SNED1: variants seen among roughly 807,000 people sequenced by gnomAD.
The protein encoded by SNED1 is sushi, nidogen and EGF-like domain-containing protein 1.
A neutral mutation model predicts 166.7 loss-of-function variants in SNED1; 81 were observed. The observed-to-expected ratio is 0.49, with a 90% confidence interval of 0.41 to 0.58. The LOEUF (loss-of-function observed/expected upper bound fraction) is 0.58. Among genes scored for constraint, SNED1 ranks in the 20% least tolerant of loss-of-function variants. SNED1 has a pLI of 0.00. For missense variants in SNED1, 1,604 were observed against 2,000.2 expected (o/e 0.80, Z 3.78); for synonymous variants, 762 against 822.0 (o/e 0.93, Z 1.25).
Position 241,065,587 on chromosome 2 carries a change from C to G in SNED1, c.3002C>G (p.Ala1001Gly), listed in dbSNP as rs1352555276. The G allele has an allele frequency of 1.2e-6, 2 of 1,611,516 alleles. No homozygotes were observed. Among genetic ancestry groups the G allele is most frequent in the Non-Finnish European group, 1.7e-6 (2 of 1,179,572 alleles). The change falls in exon 21 of 32, where the codon GCC (alanine) becomes GGC (glycine). Residue 1001 changes from alanine (A) to glycine (G), a missense_variant. Around this residue, in one of 2 missense-constraint regions of SNED1, gnomAD observed 1,237 missense variants for 1,620.8 expected, o/e 0.76. Coordinates refer to ENST00000310397, the MANE Select transcript of SNED1 (RefSeq NM_001080437.3). ...NDISRPAVLLARTRPRPVEGF... is the reference protein window; with the variant it reads ...NDISRPAVLLGRTRPRPVEGF... ...ATCAGCAGGCCTGCCGTGCTGCTGG[C>G]CCGCACGCGTGAGTGTCCCCGAGCC...
In SNED1 at chr2:241,087,324, C is replaced by T; in HGVS notation, c.4122-68C>T. The T allele has an allele frequency of 2.0e-6, 3 of 1,471,902 alleles. No individual in the cohort carries two copies. In the South Asian group the frequency reaches 3.9e-5, roughly 19 times the overall value. 91.2% of individuals were successfully genotyped at this position (1,471,902 alleles called of 1,614,324 possible). A position where few individuals can be genotyped will look rare whatever the true frequency, so the allele number is the denominator to read the frequency against. On this transcript the variant is annotated intron_variant, in intron 29 of 31. Transcript: ENST00000310397. The stretch of plus-strand genomic sequence containing the variant: ...TCAGGTTTACTGTGGGTTCACATAG[C>T]CTAGGTTAAGCAGTTGGCAACATTT...
At chr2:241,079,377 A>C (rs968227594) in intron 27 of SNED1, among the ~76,000 whole-genome samples, 3 of 150,554 alleles carry the variant, frequency 2.0e-5, no homozygotes, top group Non-Finnish European at 3.0e-5. Context: ...GCCCCACTGC[A>C]CTCCAGCCTG....
intron 1 of SNED1, among the ~76,000 whole-genome samples, chr2:241,003,036 A>C (rs77542373): frequency 0.019 from 2,881 of 151,956 alleles, 27 homozygotes; most frequent in African/African-American, 0.03. Flanking sequence ...GTGCAGAGTG[A>C]CCAAGGGAGC....
intron 1 of SNED1, among the ~76,000 whole-genome samples, chr2:241,011,265 AGGTCTCCTG>A (rs1162266774): frequency 8.2e-5 from 12 of 146,878 alleles, no homozygotes; most frequent in African/African-American, 1.5e-4. Context: ...TGGGGGTGGC[AGGTCTCCTG>A]GGTCTCCTGG....
intron 5 of SNED1, 85 bp downstream of exon 5, chr2:241,037,000 C>G: frequency 6.7e-7 from 1 of 1,483,970 alleles, no homozygotes. Context: ...TGGCCCTGGG[C>G]GCCCAGGGTC....
chr2:241,037,370 G>A lies in SNED1; in HGVS notation c.1045+17G>A, dbSNP rs764417179. The A allele has an allele frequency of 7.7e-5, 116 of 1,501,962 alleles. No individual in the cohort carries two copies. Among genetic ancestry groups the A allele is most frequent in the Non-Finnish European group, 9.3e-5 (102 of 1,091,428 alleles). The allele number at this position is 1,501,962 out of a possible 1,614,324, so 93.0% of individuals were successfully genotyped here. A position where few individuals can be genotyped will look rare whatever the true frequency, so the allele number is the denominator to read the frequency against. ...GTGAGACAGGTAAGAGGAACCCACC[G>A]GGGCCCACGGGGCCCTGCTGGGGGC... On this transcript the variant is annotated intron_variant, in intron 6 of 31. Transcript: ENST00000310397.
chr2:241,095,075 C>T lies in SNED1; in HGVS notation c.*3439C>T, dbSNP rs867559287. 1.3e-5 allele frequency: 1 copy of T among 79,584 alleles called. No individual in the cohort carries two copies. Among genetic ancestry groups the T allele is most frequent in the East Asian group, 3.2e-4 (1 of 3,110 alleles). The allele number at this position is 79,584 out of a possible 1,614,324, so 4.9% of individuals were successfully genotyped here. ...AAGGTGACACGCCCCCCCCCCCCCC[C>T]ACACCCACCTTGGGGGGTCACGGAT... is the stretch of plus-strand genomic sequence containing the variant. On this transcript the variant is annotated 3_prime_UTR_variant, in exon 32 of 32. Coordinates refer to ENST00000310397, the MANE Select transcript of SNED1 (RefSeq NM_001080437.3).
At chr2:241,047,629 AAGAT>A (rs565582580) in intron 8 of SNED1, among the ~76,000 whole-genome samples, 129 of 152,388 alleles carry the variant, frequency 8.5e-4, no homozygotes, top group Admixed American at 2.2e-3. Context: ...GATCAGCAGA[AAGAT>A]ATCTGGAAAA....
chr2:241,023,620 A>G (rs1002248241), intron 1 of SNED1, among the ~76,000 whole-genome samples: 1 of 152,278 alleles, frequency 6.6e-6, no homozygotes, highest in Non-Finnish European at 1.5e-5. Flanking sequence ...GTATCCCACC[A>G]TGATTGTGAG....
chr2:241,038,386 G>A (rs576249494), intron 6 of SNED1, among the ~76,000 whole-genome samples: 2 of 152,314 alleles, frequency 1.3e-5, no homozygotes, highest in South Asian at 4.1e-4. Context: ...ATAGTTGAAT[G>A]GCAGTAAGGG....
rs1166973480 is a variant in SNED1 at position 241,093,743 on chromosome 2, T to TA, written c.*2108dup. 1 of 152,330 alleles carries TA rather than the reference T, an allele frequency of 6.6e-6. No individual in the cohort carries two copies. The highest frequency in any genetic ancestry group is 1.5e-5 in the Non-Finnish European group (1 of 68,122). 9.4% of individuals were successfully genotyped at this position (152,330 alleles called of 1,614,324 possible). The stretch of plus-strand genomic sequence containing the variant: ...AAAAGACTTCCTGGTGCTCAGGAAT[T>TA]ACAGTTCGTTCTTGAAACATTCCAA... On this transcript the variant is annotated 3_prime_UTR_variant, in exon 32 of 32. Coordinates refer to ENST00000310397, the MANE Select transcript of SNED1 (RefSeq NM_001080437.3).
At chr2:241,057,177 G>C (rs1182684278) in intron 16 of SNED1, among the ~76,000 whole-genome samples, 2 of 151,556 alleles carry the variant, frequency 1.3e-5, no homozygotes, top group Non-Finnish European at 2.9e-5. Flanking sequence ...TCAGGAGTTT[G>C]AGACCAGCCT....
rs1340306985 is a variant in SNED1 at position 241,013,355 on chromosome 2, G to A, written c.213+14305G>A. 6.6e-6 allele frequency among the ~76,000 whole-genome samples: 1 copy of A among 152,008 alleles called. No homozygotes were observed. The highest frequency in any genetic ancestry group is 1.5e-5 in the Non-Finnish European group (1 of 68,000). On this transcript the variant is annotated intron_variant, in intron 1 of 31. Coordinates refer to ENST00000310397, the MANE Select transcript of SNED1 (RefSeq NM_001080437.3). The surrounding 1 kb of genome is among the most constrained non-coding windows in gnomAD (Gnocchi z 4.6). ...AGGGTCTCACTCTGTCACCAGGCTG[G>A]AGTGCAGTGGCCTGAGCCTAGCTCA...
intron 1 of SNED1, among the ~76,000 whole-genome samples, chr2:241,008,418 A>AGCACTCCTT (rs1234443083): frequency 6.6e-6 from 1 of 152,194 alleles, no homozygotes; most frequent in Non-Finnish European, 1.5e-5. Context: ...CCCACCTGAT[A>AGCACTCCTT]GCACTCCTTG....
In SNED1 at chr2:241,064,732, C is replaced by A. The variant is rs964655528; in HGVS notation, c.2600-112C>A. 1 of 714,096 alleles carries A rather than the reference C, an allele frequency of 1.4e-6. No individual in the cohort carries two copies. The highest frequency in any genetic ancestry group is 2.3e-6 in the Non-Finnish European group (1 of 441,808). 44.2% of individuals were successfully genotyped at this position (714,096 alleles called of 1,614,324 possible). A position where few individuals can be genotyped will look rare whatever the true frequency, so the allele number is the denominator to read the frequency against. Reference sequence around the variant, plus strand: ...GAGGCAGTAGCTGTCCTGTGCCCCCCGCCCCTCCACACCCACGCAGGAGGG... The same window carrying A: ...GAGGCAGTAGCTGTCCTGTGCCCCCAGCCCCTCCACACCCACGCAGGAGGG... On this transcript the variant is annotated intron_variant, in intron 19 of 31. Coordinates refer to ENST00000310397, the MANE Select transcript of SNED1 (RefSeq NM_001080437.3). The surrounding 1 kb of genome is among the most constrained non-coding windows in gnomAD (Gnocchi z 7.0).
intron 8 of SNED1, among the ~76,000 whole-genome samples, chr2:241,047,281 GAT>G (rs1242478852): frequency 6.6e-6 from 1 of 151,862 alleles, no homozygotes; most frequent in Non-Finnish European, 1.5e-5. Flanking sequence ...CTTTTATAAC[GAT>G]AGAGGGGTCA....
chr2:241,040,240 C>T, intron 7 of SNED1, 52 bp downstream of exon 7: 2 of 1,569,802 alleles, frequency 1.3e-6, no homozygotes, highest in African/African-American at 1.4e-5. Context: ...TGGCCAGGTG[C>T]TGGGCACAGG....
rs889456286 is a variant in SNED1, at chr2:241,091,975, TGTCA to T, written c.*345_*348del. ...CGCCATTCCCCGGAATCAGTGAGGC[TGTCA>T]GTCAGCCACGCTTCTGCAGTATGCA... On this transcript the variant is annotated 3_prime_UTR_variant, in exon 32 of 32. Coordinates refer to ENST00000310397, the MANE Select transcript of SNED1 (RefSeq NM_001080437.3). The surrounding 1 kb of genome is among the most constrained non-coding windows in gnomAD (Gnocchi z 4.1). 1 of 152,284 alleles carries T rather than the reference TGTCA, an allele frequency of 6.6e-6. No homozygotes were observed. Among genetic ancestry groups the T allele is most frequent in the African/African-American group, 2.4e-5 (1 of 41,468 alleles). The allele number at this position is 152,284 out of a possible 1,614,324, so 9.4% of individuals were successfully genotyped here.
At chr2:241,011,359 C>T (rs1233637853) in intron 1 of SNED1, among the ~76,000 whole-genome samples, 4 of 151,956 alleles carry the variant, frequency 2.6e-5, no homozygotes, top group South Asian at 2.1e-4. Flanking sequence ...GTCCCAGTGG[C>T]GCTGGGCAGG....
Sources: allele counts gnomAD v4.1 joint callset (sites outside exome capture counted in the v4.1 genomes callset), GRCh38; gene constraint gnomAD v4.1.1; regional missense constraint gnomAD v4.1.1; non-coding constraint Gnocchi (gnomAD v3.1); transcripts MANE v1.5; gene names NCBI Gene and HGNC (gene_info 2026-07-23, HGNC 2026-07-21).